The following TECRL variants were observed in gnomAD, a reference collection of about 807,000 sequenced individuals.
TECRL encodes trans-2,3-enoyl-CoA reductase-like.
In TECRL, 63 loss-of-function variants were observed where a neutral mutation model predicts 52.8. The observed-to-expected ratio is 1.19, with a 90% confidence interval of 0.97 to 1.47. The LOEUF (loss-of-function observed/expected upper bound fraction) is 1.47. TECRL is among the 40% of genes most tolerant of loss of function. The pLI is 0.00. For missense variants in TECRL, 482 were observed against 429.6 expected (o/e 1.12, Z -1.08); for synonymous variants, 164 against 141.9 (o/e 1.16, Z -1.10).
At chr4:64,327,048 T>C (rs1378696391) in intron 3 of TECRL, among the ~76,000 whole-genome samples, 1 of 152,100 alleles carries the variant, frequency 6.6e-6, no homozygotes. Flanking sequence ...ACTTTAAAAA[T>C]GATTTAAGTG....
At chr4:64,349,554 T>C (rs1016621748) in intron 2 of TECRL, among the ~76,000 whole-genome samples, 2 of 152,232 alleles carry the variant, frequency 1.3e-5, no homozygotes, top group Admixed American at 1.3e-4. Context: ...TTCCTGAAGA[T>C]GAACCTAGAT....
At chr4:64,296,905 T>C (rs1994165) in intron 8 of TECRL, among the ~76,000 whole-genome samples, 92,821 of 151,346 alleles carry the variant, frequency 0.61, 31,775 homozygotes, top group Non-Finnish European at 0.76. Context: ...AATTTGCCTG[T>C]ATTTGATTCT....
At chr4:64,371,241 A>G (rs1168602969) in intron 2 of TECRL, among the ~76,000 whole-genome samples, 1 of 151,452 alleles carries the variant, frequency 6.6e-6, no homozygotes, top group East Asian at 1.9e-4. Flanking sequence ...TGTAATTTAC[A>G]TTGTAAATTA....
chr4:64,286,103 T>C (rs766377362), intron 9 of TECRL, among the ~76,000 whole-genome samples: 10 of 152,054 alleles, frequency 6.6e-5, no homozygotes, highest in Non-Finnish European at 2.9e-5. Flanking sequence ...AACTAGAAAG[T>C]GTTTTCATTT....
At chr4:64,340,733 T>C (rs993201511) in intron 2 of TECRL, among the ~76,000 whole-genome samples, 9 of 152,132 alleles carry the variant, frequency 5.9e-5, no homozygotes, top group Non-Finnish European at 1.0e-4. Context: ...TGAGGCCTCA[T>C]CTTCAGGCCG....
intron 2 of TECRL, among the ~76,000 whole-genome samples, chr4:64,340,195 C>T (rs975799064): frequency 6.6e-6 from 1 of 152,148 alleles, no homozygotes; most frequent in African/African-American, 2.4e-5. Flanking sequence ...GGAGATTCAC[C>T]CCTTATAAGT....
At chr4:64,371,288 CATTATA>C (rs1041869336) in intron 2 of TECRL, among the ~76,000 whole-genome samples, 30 of 150,876 alleles carry the variant, frequency 2.0e-4, no homozygotes, top group Admixed American at 6.6e-4. Context: ...ATTACCTTAT[CATTATA>C]ATTAATTAAA....
At chr4:64,380,217 G>C (rs1382683750) in intron 1 of TECRL, among the ~76,000 whole-genome samples, 1 of 151,916 alleles carries the variant, frequency 6.6e-6, no homozygotes, top group East Asian at 1.9e-4. Context: ...TATCTACTCA[G>C]ATTATTTGCC....
At chr4:64,335,816 T>C (rs1719035178) in intron 2 of TECRL, among the ~76,000 whole-genome samples, 1 of 152,292 alleles carries the variant, frequency 6.6e-6, no homozygotes, top group South Asian at 2.1e-4. Context: ...AAAATATTTG[T>C]TTTCTTGATT....
In TECRL at chr4:64,309,865, T is replaced by C. The variant is rs1179232328; in HGVS notation, c.618A>G (p.Lys206=). The change falls in exon 6 of 12, where the codon AAA becomes AAG. Residue 206 remains lysine (K), a synonymous_variant. Coordinates refer to ENST00000381210, the MANE Select transcript of TECRL (RefSeq NM_001010874.5). ...TCAAAGGTGTGTGTCCTGCAGAAAC[T>C]TTGTGAACAAATAAGGTTTCCAAAA... ...RYLLETLFVH[K]VSAGHTPLKN... 3 of 1,612,826 alleles carry C rather than the reference T, an allele frequency of 1.9e-6. No individual in the cohort carries two copies. The East Asian group carries it at 6.7e-5, about 36-fold the overall frequency.
chr4:64,330,059 G>GA (rs1400383171), intron 2 of TECRL, among the ~76,000 whole-genome samples: 3 of 151,536 alleles, frequency 2.0e-5, no homozygotes, highest in South Asian at 2.1e-4. Context: ...TAAAAATGAA[G>GA]AAAAAATCAG....
chr4:64,305,290 T>A, intron 6 of TECRL, 52 bp from the exon 7 acceptor site: 1 of 1,521,996 alleles, frequency 6.6e-7, no homozygotes, highest in Non-Finnish European at 9.1e-7. Flanking sequence ...GTAATATATA[T>A]TTCAATTGTG....
chr4:64,403,475 G>GCA (rs148711260), intron 1 of TECRL, among the ~76,000 whole-genome samples: 6,700 of 148,278 alleles, frequency 0.045, 160 homozygotes, highest in African/African-American at 0.059. Context: ...CTCCCTGAGC[G>GCA]CACACACACA....
intron 2 of TECRL, among the ~76,000 whole-genome samples, chr4:64,357,017 T>C (rs1457033488): frequency 6.6e-6 from 1 of 152,156 alleles, no homozygotes; most frequent in Admixed American, 6.5e-5. Context: ...TTTATGACAA[T>C]GTTCTACCAT....
chr4:64,314,590 GGT>G (rs5858876), intron 5 of TECRL, 56 bp downstream of exon 5: 8,857 of 744,268 alleles, frequency 0.012, 86 homozygotes, highest in African/African-American at 0.052. Context: ...TAACGTGTAT[GGT>G]GTGTGTGTGT....
downstream of TECRL, among the ~76,000 whole-genome samples, chr4:64,277,298 G>A (rs1722606084): frequency 6.6e-6 from 1 of 151,788 alleles, no homozygotes; most frequent in Admixed American, 6.6e-5. Flanking sequence ...TGTCAGGATC[G>A]AGTTACAAAA....
At chr4:64,360,858 T>C (rs1434932718) in intron 2 of TECRL, among the ~76,000 whole-genome samples, 1 of 152,068 alleles carries the variant, frequency 6.6e-6, no homozygotes, top group Non-Finnish European at 1.5e-5. Context: ...AGCTGGCAGA[T>C]AGAACTTCCT....
chr4:64,389,952 C>G (rs1173350553), intron 1 of TECRL, among the ~76,000 whole-genome samples: 1 of 151,830 alleles, frequency 6.6e-6, no homozygotes, highest in Non-Finnish European at 1.5e-5. Flanking sequence ...GGAATATGAA[C>G]AGAAGAAGTA....
intron 2 of TECRL, among the ~76,000 whole-genome samples, chr4:64,340,281 G>A (rs1467339103): frequency 6.6e-6 from 1 of 152,178 alleles, no homozygotes; most frequent in Non-Finnish European, 1.5e-5. Flanking sequence ...ACTCCATGGA[G>A]CAGGCATGAC....
Sources: gnomAD v4.1 joint callset for allele counts (sites outside exome capture counted in the v4.1 genomes callset) on GRCh38, gnomAD v4.1.1 for gene constraint, MANE v1.5 for transcripts, NCBI Gene and HGNC (gene_info 2026-07-23, HGNC 2026-07-21) for gene names.